PDZRN4: variants seen among roughly 807,000 people sequenced by gnomAD.
PDZRN4 encodes PDZ domain containing ring finger 4.
PDZRN4 carries 70 observed loss-of-function variants against 99.0 expected under a neutral mutation model. The observed-to-expected ratio is 0.71, with a 90% CI of 0.58 to 0.86. The LOEUF (loss-of-function observed/expected upper bound fraction) is 0.86. PDZRN4 is among the 40% of genes least tolerant of loss of function. The pLI is 0.00. For synonymous variants in PDZRN4, 551 were observed against 501.6 expected, an observed-to-expected ratio of 1.10 and a Z score of -1.32; for missense variants, 1,474 against 1,331.2, an observed-to-expected ratio of 1.11 and a Z score of -1.67.
At chr12:41,468,434 T>A (rs1471089498) in intron 3 of PDZRN4, among the ~76,000 whole-genome samples, 1 of 152,184 alleles carries the variant, frequency 6.6e-6, no homozygotes, top group Non-Finnish European at 1.5e-5. Context: ...CAAAACTAAG[T>A]GGACAATGAA....
chr12:41,555,196 A>C (rs1329662196), intron 6 of PDZRN4, among the ~76,000 whole-genome samples: 6 of 145,902 alleles, frequency 4.1e-5, no homozygotes, highest in Non-Finnish European at 9.0e-5. Context: ...GCGCCACTGC[A>C]CTCCAGCCTG....
rs369732337 is a variant in PDZRN4 at position 41,509,779 on chromosome 12, C to G, written c.1101-32C>G. 5.2e-5 allele frequency: 51 copies of G among 988,150 alleles called. No homozygotes were observed. The African/African-American group carries it at 5.9e-4, about 11-fold the overall frequency. The allele number at this position is 988,150 out of a possible 1,614,324, so 61.2% of individuals were successfully genotyped here. On this transcript the variant is annotated intron_variant, in intron 4 of 9. Coordinates refer to ENST00000402685, the MANE Select transcript of PDZRN4 (RefSeq NM_001164595.2). ...TAATCTGGAAAACAACCCATTTAAT[C>G]TATTCCTATCATATTGCTACATTCC...
chr12:41,493,534 A>T (rs1937929975), intron 3 of PDZRN4, among the ~76,000 whole-genome samples: 1 of 152,148 alleles, frequency 6.6e-6, no homozygotes, highest in African/African-American at 2.4e-5. Context: ...TGAGGCAATC[A>T]TAGTGTCATG....
intron 3 of PDZRN4, among the ~76,000 whole-genome samples, chr12:41,212,708 C>A (rs1185121359): frequency 6.6e-6 from 1 of 151,916 alleles, no homozygotes; most frequent in East Asian, 1.9e-4. Flanking sequence ...GAGGGAAGTT[C>A]TAGCTGTTGT....
At position 41,223,947 on chromosome 12, in the gene PDZRN4, C is replaced by T. The variant is rs145922784; in HGVS notation, c.843+29759C>T. 2.6e-3 allele frequency among the ~76,000 whole-genome samples: 393 copies of T among 152,342 alleles called. 2 individuals carry two copies. Among genetic ancestry groups the T allele is most frequent in the African/African-American group, 8.8e-3 (368 of 41,590 alleles). On this transcript the variant is annotated intron_variant, in intron 3 of 9. Coordinates refer to ENST00000402685, the MANE Select transcript of PDZRN4 (RefSeq NM_001164595.2). ...TTAGTGGAGAAAAGTGTTTCAGCCACGGCCTTCCACTAAAGAGGCCTCTGA... is the reference window on the plus strand; with the variant it reads ...TTAGTGGAGAAAAGTGTTTCAGCCATGGCCTTCCACTAAAGAGGCCTCTGA...
At chr12:41,265,079 AC>A (rs1016437195) in intron 3 of PDZRN4, among the ~76,000 whole-genome samples, 2 of 151,478 alleles carry the variant, frequency 1.3e-5, no homozygotes, top group African/African-American at 4.9e-5. Flanking sequence ...CTGCACATGT[AC>A]CCCCCAAATC....
rs142673250 is a variant in PDZRN4 at position 41,202,640 on chromosome 12, T to C, written c.843+8452T>C. On this transcript the variant is annotated intron_variant, in intron 3 of 9. Coordinates refer to ENST00000402685, the MANE Select transcript of PDZRN4 (RefSeq NM_001164595.2). ...CTTAAAAAGAATGTATCACTTATTTTATAATCAGCAACTCAGAGGTGATAC... is the reference window on the plus strand; with the variant it reads ...CTTAAAAAGAATGTATCACTTATTTCATAATCAGCAACTCAGAGGTGATAC... Among the ~76,000 whole-genome samples, 28 of 152,216 alleles carry C rather than the reference T, an allele frequency of 1.8e-4. No homozygotes were observed. In the East Asian group the frequency reaches 5.4e-3, roughly 30 times the overall value.
chr12:41,389,689 G>T (rs1474867620), intron 3 of PDZRN4, among the ~76,000 whole-genome samples: 1 of 152,204 alleles, frequency 6.6e-6, no homozygotes, highest in Non-Finnish European at 1.5e-5. Flanking sequence ...GTAGCATCAT[G>T]TGGCCCCAGG....
chr12:41,344,543 A>T (rs571539686), intron 3 of PDZRN4, among the ~76,000 whole-genome samples: 4 of 128,228 alleles, frequency 3.1e-5, no homozygotes, highest in Middle Eastern at 7.4e-3. Flanking sequence ...CCGTCTAACA[A>T]ATGAAAAAAA....
At chr12:41,472,151 G>A (rs1407393940) in intron 3 of PDZRN4, among the ~76,000 whole-genome samples, 2 of 151,978 alleles carry the variant, frequency 1.3e-5, no homozygotes, top group Non-Finnish European at 2.9e-5. Flanking sequence ...TTACAGGCAT[G>A]TGCCACCACA....
chr12:41,220,580 A>G (rs1950948600), intron 3 of PDZRN4, among the ~76,000 whole-genome samples: 2 of 152,184 alleles, frequency 1.3e-5, no homozygotes, highest in African/African-American at 4.8e-5. Context: ...TAAGTGTTTG[A>G]AAGAACAAAG....
At chr12:41,403,526 C>T (rs573765207) in intron 3 of PDZRN4, among the ~76,000 whole-genome samples, 1 of 152,204 alleles carries the variant, frequency 6.6e-6, no homozygotes, top group African/African-American at 2.4e-5. Flanking sequence ...GGTTTTGGAT[C>T]CTAAGAGTTA....
intron 3 of PDZRN4, among the ~76,000 whole-genome samples, chr12:41,263,679 T>G (rs1185171295): frequency 2.6e-5 from 4 of 152,134 alleles, no homozygotes; most frequent in Non-Finnish European, 5.9e-5. Context: ...AGAGCAAAAT[T>G]CAGTCTCTAA....
intron 3 of PDZRN4, among the ~76,000 whole-genome samples, chr12:41,398,662 A>G (rs564548813): frequency 3.8e-3 from 573 of 152,290 alleles, no homozygotes; most frequent in Non-Finnish European, 5.3e-3. Context: ...TTAAAAATCA[A>G]ATGTTATACT....
intron 5 of PDZRN4, among the ~76,000 whole-genome samples, chr12:41,541,413 T>G (rs1345207909): frequency 1.3e-5 from 2 of 151,952 alleles, no homozygotes; most frequent in African/African-American, 4.8e-5. Flanking sequence ...CACCATAGTA[T>G]GTCACCCAAA....
chr12:41,371,644 T>C (rs550095465), intron 3 of PDZRN4, among the ~76,000 whole-genome samples: 1 of 152,304 alleles, frequency 6.6e-6, no homozygotes, highest in South Asian at 2.1e-4. Context: ...TTTAGCTTTT[T>C]TGGTTTTCGC....
chr12:41,496,150 A>G (rs1210674941), intron 3 of PDZRN4, among the ~76,000 whole-genome samples: 3 of 152,050 alleles, frequency 2.0e-5, no homozygotes, highest in Non-Finnish European at 4.4e-5. Context: ...CTTGGATGTG[A>G]TTGAGATAAT....
At chr12:41,351,801 C>G (rs1396871098) in intron 3 of PDZRN4, among the ~76,000 whole-genome samples, 1 of 151,948 alleles carries the variant, frequency 6.6e-6, no homozygotes. Flanking sequence ...ATTTGGAGAA[C>G]ACTCAATATC....
chr12:41,300,840 G>C (rs755641627), intron 3 of PDZRN4, among the ~76,000 whole-genome samples: 13 of 151,924 alleles, frequency 8.6e-5, no homozygotes, highest in Non-Finnish European at 1.8e-4. Context: ...AAAGCTTCAG[G>C]GAAAATAAAT....
Sources: allele counts gnomAD v4.1 joint callset (sites outside exome capture counted in the v4.1 genomes callset), GRCh38; gene constraint gnomAD v4.1.1; transcripts MANE v1.5; gene names NCBI Gene and HGNC (gene_info 2026-07-23, HGNC 2026-07-21).